Variants in MDGA2 observed in about 807,000 individuals in gnomAD.
MDGA2 encodes MAM domain containing glycosylphosphatidylinositol anchor 2, also known as MAM domain-containing glycosylphosphatidylinositol anchor protein 2.
MDGA2 carries 40 observed loss-of-function variants against 117.8 expected under a neutral mutation model. The ratio of observed to expected loss-of-function variants is 0.34; its 90% CI spans 0.26 to 0.44. The LOEUF (loss-of-function observed/expected upper bound fraction) is 0.44. MDGA2 is among the 20% of genes least tolerant of loss of function. The pLI, the probability that MDGA2 is intolerant of heterozygous loss-of-function variation, is 1.00. For synonymous variants in MDGA2, 452 were observed against 439.0 expected (o/e 1.03, Z -0.37); for missense variants, 1,123 against 1,250.6 (o/e 0.90, Z 1.54).
rs368117187 is a variant in MDGA2, at chr14:47,469,293, C to G, written c.281-167743G>C. Among the ~76,000 whole-genome samples, 167 of 152,176 alleles carry G rather than the reference C, an allele frequency of 1.1e-3. 1 individual carries two copies. Among genetic ancestry groups the G allele is most frequent in the African/African-American group, 3.5e-3 (145 of 41,522 alleles). On this transcript the variant is annotated intron_variant, in intron 1 of 16. Coordinates refer to ENST00000399232, the MANE Select transcript of MDGA2 (RefSeq NM_001113498.3). The stretch of plus-strand genomic sequence containing the variant: ...TTAACATTAGGTATATCTCCTAATG[C>G]TATCCCTCCCCACTCCCCGACCCCA...
chr14:47,007,085 C>T (rs1391243940), intron 8 of MDGA2, among the ~76,000 whole-genome samples: 1 of 151,636 alleles, frequency 6.6e-6, no homozygotes, highest in Non-Finnish European at 1.5e-5. Flanking sequence ...GTGGTAACAT[C>T]CATGGAGGAT....
intron 1 of MDGA2, among the ~76,000 whole-genome samples, chr14:47,589,762 G>A (rs1011575144): frequency 9.9e-5 from 15 of 151,886 alleles, no homozygotes; most frequent in African/African-American, 3.4e-4. Flanking sequence ...GAGAATTACT[G>A]TCATCTTAAT....
At chr14:47,042,119 C>T (rs924166554) in intron 7 of MDGA2, among the ~76,000 whole-genome samples, 3 of 151,700 alleles carry the variant, frequency 2.0e-5, no homozygotes, top group African/African-American at 4.8e-5. Context: ...TGTATGTTCT[C>T]GAGTAGAATG....
In MDGA2 at chr14:47,108,371, C is replaced by T. The variant is rs539398962; in HGVS notation, c.926-11248G>A. The stretch of plus-strand genomic sequence containing the variant: ...GCATCCCCTGTGACTTGCACGTATA[C>T]GCCCAGATGGCCTGAAGTAACTGAA... On this transcript the variant is annotated intron_variant, in intron 5 of 16. Coordinates refer to ENST00000399232, the MANE Select transcript of MDGA2 (RefSeq NM_001113498.3). 4.2e-4 allele frequency among the ~76,000 whole-genome samples: 64 copies of T among 152,248 alleles called. No homozygotes were observed. The East Asian group carries it at 5.4e-3, about 13-fold the overall frequency.
At chr14:47,169,535 C>A (rs1457078509) in intron 3 of MDGA2, among the ~76,000 whole-genome samples, 1 of 151,592 alleles carries the variant, frequency 6.6e-6, no homozygotes, top group Non-Finnish European at 1.5e-5. Flanking sequence ...TTATTGGTAA[C>A]CAGTAATTTT....
chr14:47,131,895 C>T (rs1420726509), intron 4 of MDGA2, 49 bp from the exon 5 acceptor site: 1 of 1,426,050 alleles, frequency 7.0e-7, no homozygotes, highest in African/African-American at 1.4e-5. Context: ...GCCAACACAA[C>T]CAGAATGAAT....
At chr14:47,152,479 T>C (rs1883199987) in intron 3 of MDGA2, among the ~76,000 whole-genome samples, 1 of 152,188 alleles carries the variant, frequency 6.6e-6, no homozygotes, top group Admixed American at 6.5e-5. Flanking sequence ...CCTCGTCTCT[T>C]TTAATGTCCT....
At chr14:47,604,495 C>CCG (rs1555335642) in intron 1 of MDGA2, among the ~76,000 whole-genome samples, 4 of 131,098 alleles carry the variant, frequency 3.1e-5, no homozygotes, top group Non-Finnish European at 6.5e-5. Flanking sequence ...CCACCCCCCC[C>CCG]CACCCTCACC....
chr14:46,997,699 G>A (rs1887346630), intron 8 of MDGA2, among the ~76,000 whole-genome samples: 1 of 152,102 alleles, frequency 6.6e-6, no homozygotes, highest in Admixed American at 6.6e-5. Flanking sequence ...AGGAACATAA[G>A]GTTCTGGAGA....
At chr14:47,666,652 T>A (rs912548866) in intron 1 of MDGA2, among the ~76,000 whole-genome samples, 55 of 152,254 alleles carry the variant, frequency 3.6e-4, no homozygotes, top group East Asian at 3.9e-4. Context: ...AGGATGTGGG[T>A]GGGGCCAGAT....
At chr14:47,605,758 T>C (rs1323640843) in intron 1 of MDGA2, among the ~76,000 whole-genome samples, 2 of 152,196 alleles carry the variant, frequency 1.3e-5, no homozygotes, top group South Asian at 4.1e-4. Context: ...AAGGCAAATT[T>C]GATTTTACAG....
At chr14:47,209,574 G>T (rs1885809398) in intron 3 of MDGA2, among the ~76,000 whole-genome samples, 1 of 152,130 alleles carries the variant, frequency 6.6e-6, no homozygotes, top group Non-Finnish European at 1.5e-5. Flanking sequence ...GGACTAAACT[G>T]ATTTAAAAGT....
chr14:47,001,252 A>G (rs1203085180), intron 8 of MDGA2, among the ~76,000 whole-genome samples: 1 of 152,124 alleles, frequency 6.6e-6, no homozygotes, highest in African/African-American at 2.4e-5. Context: ...ATCCAGCTGA[A>G]TAAAAAAAAA....
At chr14:47,188,384 A>G (rs1884989055) in intron 3 of MDGA2, among the ~76,000 whole-genome samples, 2 of 152,210 alleles carry the variant, frequency 1.3e-5, no homozygotes, top group African/African-American at 2.4e-5. Flanking sequence ...GTGCTGCCAC[A>G]TGGCAAGGAA....
At chr14:47,665,989 G>C (rs185701810) in intron 1 of MDGA2, among the ~76,000 whole-genome samples, 1 of 152,012 alleles carries the variant, frequency 6.6e-6, no homozygotes, top group Admixed American at 6.5e-5. Context: ...TGTGGCCCTG[G>C]TGCGAGATCC....
chr14:47,472,344 C>A (rs1186597598), intron 1 of MDGA2, among the ~76,000 whole-genome samples: 1 of 152,186 alleles, frequency 6.6e-6, no homozygotes, highest in Non-Finnish European at 1.5e-5. Flanking sequence ...GCCTACTGCA[C>A]ACCTAGGTTA....
chr14:47,621,934 C>A (rs1897057179), intron 1 of MDGA2, among the ~76,000 whole-genome samples: 1 of 152,152 alleles, frequency 6.6e-6, no homozygotes, highest in Admixed American at 6.5e-5. Flanking sequence ...TACATTATTA[C>A]ATAGGAATTA....
At chr14:47,327,924 A>G (rs1216246082) in intron 1 of MDGA2, among the ~76,000 whole-genome samples, 1 of 152,162 alleles carries the variant, frequency 6.6e-6, no homozygotes, top group Non-Finnish European at 1.5e-5. Context: ...AAGTTACAGG[A>G]ATCTAAAAGT....
chr14:47,182,857 A>C (rs1439453220), intron 3 of MDGA2, among the ~76,000 whole-genome samples: 1 of 152,060 alleles, frequency 6.6e-6, no homozygotes, highest in African/African-American at 2.4e-5. Flanking sequence ...TTTTTGGGAA[A>C]CTTTTTATTC....
Sources: gnomAD v4.1 joint callset for allele counts (sites outside exome capture counted in the v4.1 genomes callset) on GRCh38, gnomAD v4.1.1 for gene constraint, MANE v1.5 for transcripts, NCBI Gene and HGNC (gene_info 2026-07-23, HGNC 2026-07-21) for gene names.